ATXN7: variants seen among roughly 807,000 people sequenced by gnomAD.
The protein encoded by ATXN7 is ataxin-7.
In ATXN7, 12 loss-of-function variants were observed where a neutral mutation model predicts 70.5. That is an observed-to-expected ratio of 0.17 (90% CI 0.11 to 0.28). The LOEUF (loss-of-function observed/expected upper bound fraction) is 0.28. ATXN7 is among the 10% of genes least tolerant of loss of function. The pLI is 1.00. For missense variants in ATXN7, 1,256 were observed against 1,131.7 expected, an observed-to-expected ratio of 1.11 and a Z score of -1.58; for synonymous variants, 498 against 448.7, an observed-to-expected ratio of 1.11 and a Z score of -1.39.
chr3:63,965,942 T>C (rs922629332), intron 5 of ATXN7, among the ~76,000 whole-genome samples: 5 of 152,188 alleles, frequency 3.3e-5, no homozygotes, highest in African/African-American at 1.2e-4. Flanking sequence ...AAGTTAAAAT[T>C]CGTTTTTCTC....
chr3:63,997,209 G>A (rs989349208), intron 12 of ATXN7, among the ~76,000 whole-genome samples: 9 of 152,122 alleles, frequency 5.9e-5, no homozygotes, highest in Non-Finnish European at 1.0e-4. Context: ...AGTGAGCCAA[G>A]ATCGCGCCAC....
intron 1 of ATXN7, among the ~76,000 whole-genome samples, 23 bp downstream of exon 1, chr3:63,864,181 A>G (rs1489020643): frequency 6.7e-6 from 1 of 148,784 alleles, no homozygotes; most frequent in East Asian, 2.1e-4. Flanking sequence ...GGACGCCGCC[A>G]GGGCTGCGGG....
intron 1 of ATXN7, among the ~76,000 whole-genome samples, chr3:63,892,501 A>C (rs900826619): frequency 5.3e-5 from 8 of 151,306 alleles, no homozygotes; most frequent in Admixed American, 4.0e-4. Context: ...ACACCCACAC[A>C]CACACACACA....
chr3:63,863,881 T>C lies in ATXN7; in HGVS notation c.-388T>C. On this transcript the variant is annotated 5_prime_UTR_variant, in exon 1 of 13. Coordinates refer to ENST00000674280, the MANE Select transcript of ATXN7 (RefSeq NM_001377405.1). ...GTCAAACTCCCACAATGCAGCCGGG[T>C]AAACAGCCATGGAGGAGGAGGCGGC... is the stretch of plus-strand genomic sequence containing the variant. 1 of 1,166,680 alleles carries C rather than the reference T, an allele frequency of 8.6e-7. No individual in the cohort carries two copies. Among genetic ancestry groups the C allele is most frequent in the Non-Finnish European group, 1.0e-6 (1 of 955,198 alleles). The allele number at this position is 1,166,680 out of a possible 1,614,324, so 72.3% of individuals were successfully genotyped here.
intron 8 of ATXN7, among the ~76,000 whole-genome samples, chr3:63,983,472 CCT>C (rs1285888152): frequency 6.6e-6 from 1 of 151,712 alleles, no homozygotes; most frequent in Non-Finnish European, 1.5e-5. Context: ...TTGAAATATC[CCT>C]GTTTTCTAGT....
At chr3:63,939,465 A>G (rs2074718929) in intron 4 of ATXN7, among the ~76,000 whole-genome samples, 1 of 152,174 alleles carries the variant, frequency 6.6e-6, no homozygotes, top group African/African-American at 2.4e-5. Context: ...TGAACATAAT[A>G]ATAAACAAAC....
At chr3:63,932,601 T>A (rs1318071941) in intron 4 of ATXN7, among the ~76,000 whole-genome samples, 1 of 152,206 alleles carries the variant, frequency 6.6e-6, no homozygotes, top group Non-Finnish European at 1.5e-5. Flanking sequence ...GTGGACAGTG[T>A]TGTATTTGCC....
intron 1 of ATXN7, among the ~76,000 whole-genome samples, chr3:63,890,096 G>T (rs974589976): frequency 3.3e-5 from 5 of 152,154 alleles, no homozygotes; most frequent in African/African-American, 1.2e-4. Flanking sequence ...TGTAACTGCA[G>T]TATTGAAAAA....
intron 9 of ATXN7, among the ~76,000 whole-genome samples, chr3:63,988,865 G>A (rs1446159971): frequency 6.6e-6 from 1 of 152,228 alleles, no homozygotes; most frequent in Non-Finnish European, 1.5e-5. Flanking sequence ...ATACCTCAGA[G>A]ACAGTGATGG....
chr3:63,891,754 A>G (rs908152283), intron 1 of ATXN7, among the ~76,000 whole-genome samples: 4 of 152,242 alleles, frequency 2.6e-5, no homozygotes, highest in Admixed American at 6.5e-5. Flanking sequence ...GGCGATCTCT[A>G]TCACAAATAG....
At chr3:63,950,041 G>T (rs2074929465) in intron 4 of ATXN7, among the ~76,000 whole-genome samples, 1 of 152,120 alleles carries the variant, frequency 6.6e-6, no homozygotes, top group Non-Finnish European at 1.5e-5. Flanking sequence ...GTCATCATCA[G>T]TTGCAATTGA....
intron 5 of ATXN7, among the ~76,000 whole-genome samples, chr3:63,955,420 A>C (rs1240898276): frequency 6.6e-6 from 1 of 151,984 alleles, no homozygotes; most frequent in Non-Finnish European, 1.5e-5. Flanking sequence ...GGTTTGGGAG[A>C]GTAACTGCAT....
At chr3:63,983,106 A>AG (rs2075517073) in intron 8 of ATXN7, 85 bp downstream of exon 8, 2 of 1,086,444 alleles carry the variant, frequency 1.8e-6, no homozygotes, top group African/African-American at 3.1e-5. Flanking sequence ...CAGTCTCTCT[A>AG]ACCCAGAGAA....
At chr3:63,865,613 C>T (rs1188492791) in intron 1 of ATXN7, among the ~76,000 whole-genome samples, 2 of 152,158 alleles carry the variant, frequency 1.3e-5, no homozygotes, top group South Asian at 2.1e-4. Flanking sequence ...AATTGTCGGC[C>T]GGGCGCGGTG....
Position 63,982,352 on chromosome 3 carries a change from C to G in ATXN7, c.919C>G (p.Leu307Val), listed in dbSNP as rs2075502897. 3 of 1,614,024 alleles carry G rather than the reference C, an allele frequency of 1.9e-6. No individual in the cohort carries two copies. Among genetic ancestry groups the G allele is most frequent in the African/African-American group, 2.7e-5 (2 of 74,914 alleles). ...AACCTTGCCTTCACCTGGACAGATT[C>G]TGAATGGCAAAGGGCTTCCTGCACC... Reference protein sequence around the residue: ...KPTLPSPGQILNGKGLPAPPT... With the variant: ...KPTLPSPGQIVNGKGLPAPPT... Residue 307 changes from leucine to valine, a missense_variant, in exon 7 of 13, where the codon CTG becomes GTG. Coordinates refer to ENST00000674280, the MANE Select transcript of ATXN7 (RefSeq NM_001377405.1).
chr3:63,889,260 G>A (rs1047450310), intron 1 of ATXN7, among the ~76,000 whole-genome samples: 3 of 152,170 alleles, frequency 2.0e-5, no homozygotes, highest in African/African-American at 7.2e-5. Flanking sequence ...TTGATGAAGA[G>A]CAGGAATAAG....
chr3:63,998,101 G>T, intron 12 of ATXN7: 2 of 984,764 alleles, frequency 2.0e-6, no homozygotes, highest in Non-Finnish European at 2.4e-6. Flanking sequence ...GCATTCCATT[G>T]TGCTGTAATG....
At chr3:63,893,356 G>A (rs1703344062) in intron 1 of ATXN7, among the ~76,000 whole-genome samples, 1 of 152,150 alleles carries the variant, frequency 6.6e-6, no homozygotes, top group South Asian at 2.1e-4. Flanking sequence ...ACAAATAATG[G>A]ATAGAAAAAT....
At chr3:63,939,475 CTGA>C (rs1408616777) in intron 4 of ATXN7, among the ~76,000 whole-genome samples, 4 of 152,226 alleles carry the variant, frequency 2.6e-5, no homozygotes, top group Non-Finnish European at 2.9e-5. Context: ...AATAAACAAA[CTGA>C]TGATATTATC....
Sources: gnomAD v4.1 joint callset for allele counts (sites outside exome capture counted in the v4.1 genomes callset) on GRCh38, gnomAD v4.1.1 for gene constraint, MANE v1.5 for transcripts, NCBI Gene and HGNC (gene_info 2026-07-23, HGNC 2026-07-21) for gene names.